Variants in GLCCI1 observed in about 807,000 individuals in gnomAD.
The protein encoded by GLCCI1 is glucocorticoid-induced transcript 1 protein.
A neutral mutation model predicts 52.2 loss-of-function variants in GLCCI1; 24 were observed. The observed-to-expected ratio is 0.46, with a 90% CI of 0.33 to 0.65. The LOEUF (loss-of-function observed/expected upper bound fraction) is 0.65, where lower values mean the gene tolerates loss of function less well. GLCCI1 is among the 30% of genes least tolerant of loss of function. The pLI, the probability that GLCCI1 is intolerant of heterozygous loss-of-function variation, is 0.02. For synonymous variants in GLCCI1, 310 were observed against 276.5 expected (o/e 1.12, Z -1.20); for missense variants, 704 against 701.5 (o/e 1.00, Z -0.04).
intron 5 of GLCCI1, among the ~76,000 whole-genome samples, chr7:8,067,962 T>C (rs1782668655): frequency 6.6e-6 from 1 of 152,196 alleles, no homozygotes; most frequent in East Asian, 1.9e-4. Context: ...TTGCTTGCTT[T>C]CTCCTCATCA....
chr7:7,972,342 T>TGTGC (rs1780370886), intron 1 of GLCCI1, among the ~76,000 whole-genome samples: 1 of 152,018 alleles, frequency 6.6e-6, no homozygotes, highest in African/African-American at 2.4e-5. Context: ...TGTGTGTGTG[T>TGTGC]GCGCGCAAGA....
At chr7:8,011,570 CT>C (rs1781261893) in intron 2 of GLCCI1, among the ~76,000 whole-genome samples, 1 of 152,078 alleles carries the variant, frequency 6.6e-6, no homozygotes, top group African/African-American at 2.4e-5. Context: ...GTTGTTTCTG[CT>C]TTTTGACAGT....
At chr7:7,978,389 C>T (rs143603396) in intron 1 of GLCCI1, among the ~76,000 whole-genome samples, 1 of 152,270 alleles carries the variant, frequency 6.6e-6, no homozygotes, top group East Asian at 1.9e-4. Context: ...TTATACAACA[C>T]TGTCATGGCA....
chr7:8,047,517 C>CTCTTTCATAG (rs1782158818), intron 3 of GLCCI1, among the ~76,000 whole-genome samples: 3 of 152,190 alleles, frequency 2.0e-5, no homozygotes, highest in Non-Finnish European at 4.4e-5. Flanking sequence ...AAGACAAGTA[C>CTCTTTCATAG]ATGCTGAAGA....
chr7:8,000,274 G>T (rs1781026439), intron 1 of GLCCI1, among the ~76,000 whole-genome samples: 2 of 152,122 alleles, frequency 1.3e-5, no homozygotes, highest in Admixed American at 1.3e-4. Flanking sequence ...TCCCAGTGTT[G>T]CTAAAATTAG....
Position 7,969,349 on chromosome 7 carries a change from C to T in GLCCI1, c.-2C>T, listed in dbSNP as rs1240483253. On this transcript the variant is annotated 5_prime_UTR_variant, in exon 1 of 8. Coordinates refer to ENST00000223145, the MANE Select transcript of GLCCI1 (RefSeq NM_138426.4). This position sits in a 1 kb window ranked among gnomAD's most constrained non-coding sequence, Gnocchi z 4.9. Reference sequence around the variant, plus strand: ...GCGGCGTCCAGGGCCCGCAGAGCCACCATGTCCACTGCCTCCTCCTCCTCC... The same window carrying T: ...GCGGCGTCCAGGGCCCGCAGAGCCATCATGTCCACTGCCTCCTCCTCCTCC... 2 of 1,490,066 alleles carry T rather than the reference C, an allele frequency of 1.3e-6. No individual in the cohort carries two copies. The highest frequency in any genetic ancestry group is 1.8e-6 in the Non-Finnish European group (2 of 1,121,604). The allele number at this position is 1,490,066 out of a possible 1,614,324, so 92.3% of individuals were successfully genotyped here. A position where few individuals can be genotyped will look rare whatever the true frequency, so the allele number is the denominator to read the frequency against.
chr7:8,036,752 C>G (rs1206106656), intron 3 of GLCCI1, among the ~76,000 whole-genome samples: 1 of 151,944 alleles, frequency 6.6e-6, no homozygotes, highest in Non-Finnish European at 1.5e-5. Context: ...GAATGAATTA[C>G]AAAATAGAGT....
chr7:8,002,410 T>C (rs777768352), intron 1 of GLCCI1, among the ~76,000 whole-genome samples: 8 of 152,130 alleles, frequency 5.3e-5, no homozygotes, highest in Non-Finnish European at 1.2e-4. Flanking sequence ...TTCCAATGAG[T>C]AGAAATGGGT....
intron 4 of GLCCI1, among the ~76,000 whole-genome samples, chr7:8,057,281 A>AAAAAAAAAGGAAATAGACAAACATCCGTC (rs1782418988): frequency 6.6e-6 from 1 of 152,076 alleles, no homozygotes; most frequent in Non-Finnish European, 1.5e-5. Context: ...ATAATACTAA[A>AAAAAAAAAGGAAATAGACAAACATCCGTC]AAAAAAAAGG....
intron 4 of GLCCI1, among the ~76,000 whole-genome samples, chr7:8,056,343 T>G (rs1257259318): frequency 6.6e-6 from 1 of 152,124 alleles, no homozygotes; most frequent in Non-Finnish European, 1.5e-5. Flanking sequence ...AGGATGGTGG[T>G]GTCAAGGATG....
intron 1 of GLCCI1, among the ~76,000 whole-genome samples, chr7:7,985,513 C>G (rs924444970): frequency 4.0e-5 from 6 of 148,310 alleles, no homozygotes; most frequent in Non-Finnish European, 7.4e-5. Context: ...ACCTGCACGT[C>G]CTGCACATCT....
chr7:8,035,949 A>G (rs1781857497), intron 3 of GLCCI1, among the ~76,000 whole-genome samples: 1 of 152,200 alleles, frequency 6.6e-6, no homozygotes, highest in Admixed American at 6.5e-5. Flanking sequence ...AGCTCTACCC[A>G]GCTTTGTCCC....
intron 3 of GLCCI1, among the ~76,000 whole-genome samples, chr7:8,032,164 T>C (rs765507562): frequency 6.6e-6 from 1 of 151,984 alleles, no homozygotes; most frequent in Non-Finnish European, 1.5e-5. Flanking sequence ...TATTTGACAA[T>C]TAAGGAACAC....
chr7:8,057,386 C>T (rs1209306973), intron 4 of GLCCI1, among the ~76,000 whole-genome samples: 1 of 152,020 alleles, frequency 6.6e-6, no homozygotes, highest in Non-Finnish European at 1.5e-5. Context: ...GAAGGAACTA[C>T]TGATACAGGG....
At chr7:8,036,418 A>G (rs1781870080) in intron 3 of GLCCI1, among the ~76,000 whole-genome samples, 1 of 152,222 alleles carries the variant, frequency 6.6e-6, no homozygotes, top group African/African-American at 2.4e-5. Flanking sequence ...ATGTCCAAAC[A>G]AAAGTAAATT....
chr7:8,010,087 G>A (rs1005662768), intron 2 of GLCCI1, among the ~76,000 whole-genome samples: 1 of 152,044 alleles, frequency 6.6e-6, no homozygotes. Context: ...GATACAGTTA[G>A]ATGCGATTTT....
intron 2 of GLCCI1, among the ~76,000 whole-genome samples, 160 bp from the exon 3 acceptor site, chr7:8,022,323 T>C (rs979924294): frequency 6.6e-6 from 1 of 152,146 alleles, no homozygotes; most frequent in African/African-American, 2.4e-5. Context: ...GGCAGAATAT[T>C]TTAAACATTT....
intron 3 of GLCCI1, among the ~76,000 whole-genome samples, chr7:8,035,798 C>T (rs1781854334): frequency 6.6e-6 from 1 of 152,210 alleles, no homozygotes; most frequent in African/African-American, 2.4e-5. Context: ...ATGTTCCTGC[C>T]TGCCTAGGTA....
chr7:8,040,834 A>C (rs998976043), intron 3 of GLCCI1, among the ~76,000 whole-genome samples: 1 of 152,220 alleles, frequency 6.6e-6, no homozygotes, highest in Non-Finnish European at 1.5e-5. Flanking sequence ...AAATGTATGC[A>C]TGTGCTTTGC....
Sources: gnomAD v4.1 joint callset for allele counts (sites outside exome capture counted in the v4.1 genomes callset) on GRCh38, gnomAD v4.1.1 for gene constraint, Gnocchi (gnomAD v3.1) non-coding constraint, MANE v1.5 for transcripts, NCBI Gene and HGNC (gene_info 2026-07-23, HGNC 2026-07-21) for gene names.